Variants in MMP26 observed in about 807,000 individuals in gnomAD.
The protein encoded by MMP26 is matrix metalloproteinase-26.
A neutral mutation model predicts 31.0 loss-of-function variants in MMP26; 33 were observed. The ratio of observed to expected loss-of-function variants is 1.06; its 90% CI spans 0.81 to 1.42. The LOEUF (loss-of-function observed/expected upper bound fraction) is 1.42. Ranked by LOEUF, MMP26 falls within the 40% of genes most tolerant of loss-of-function variation. MMP26 has a pLI of 0.00. For missense variants in MMP26, 347 were observed against 316.1 expected (o/e 1.10, Z -0.74); for synonymous variants, 122 against 114.9 (o/e 1.06, Z -0.40).
At chr11:4,831,518 G>GT (rs1247536379) in intron 2 of MMP26, among the ~76,000 whole-genome samples, 1 of 152,048 alleles carries the variant, frequency 6.6e-6, no homozygotes, top group Non-Finnish European at 1.5e-5. Context: ...TTATTCTCTT[G>GT]TTTTTTATTT....
At chr11:4,779,536 G>A (rs1848831736) in intron 2 of MMP26, among the ~76,000 whole-genome samples, 1 of 149,964 alleles carries the variant, frequency 6.7e-6, no homozygotes, top group South Asian at 2.1e-4. Context: ...AGAAGTGTTT[G>A]TACAATTAGT....
intron 2 of MMP26, chr11:4,882,318 A>T (rs766066905): frequency 6.2e-7 from 1 of 1,613,892 alleles, no homozygotes; most frequent in South Asian, 1.1e-5. Flanking sequence ...ATCCTCACAG[A>T]CAGGATGGTC....
chr11:4,750,112 G>A (rs929432010), intron 1 of MMP26, among the ~76,000 whole-genome samples: 17 of 151,956 alleles, frequency 1.1e-4, no homozygotes, highest in African/African-American at 3.6e-4. Context: ...CTATTAAAAC[G>A]TGGGCAAAGG....
At chr11:4,915,128 A>C (rs139651432) in intron 2 of MMP26, 1 of 1,614,176 alleles carries the variant, frequency 6.2e-7, no homozygotes, top group Non-Finnish European at 8.5e-7. Context: ...AGAATGTGAG[A>C]GAACTGGGGA....
intron 2 of MMP26, chr11:4,923,919 C>T: frequency 6.2e-7 from 1 of 1,614,120 alleles, no homozygotes; most frequent in Non-Finnish European, 8.5e-7. Context: ...ACAATACATG[C>T]AGGTGTCAGG....
intron 1 of MMP26, among the ~76,000 whole-genome samples, chr11:4,744,578 T>C (rs552548873): frequency 6.6e-6 from 1 of 152,264 alleles, no homozygotes; most frequent in South Asian, 2.1e-4. Context: ...AGAGGATATT[T>C]ATGAGGAACT....
chr11:4,821,464 C>T (rs1355441658), intron 2 of MMP26: 1 of 1,613,618 alleles, frequency 6.2e-7, no homozygotes, highest in Non-Finnish European at 8.5e-7. Flanking sequence ...TCTGATCTTC[C>T]TCCTGATGGG....
At chr11:4,948,264 T>C (rs914975747) in intron 2 of MMP26, among the ~76,000 whole-genome samples, 4 of 125,092 alleles carry the variant, frequency 3.2e-5, no homozygotes, top group East Asian at 2.3e-4. Flanking sequence ...GAAAATTAAA[T>C]TGTTTTACTT....
At chr11:4,847,162 C>T (rs1849883676) in intron 2 of MMP26, among the ~76,000 whole-genome samples, 1 of 152,222 alleles carries the variant, frequency 6.6e-6, no homozygotes, top group Non-Finnish European at 1.5e-5. Context: ...CCACTAACAT[C>T]CTATTGACCA....
At chr11:4,816,881 T>C (rs991139328) in intron 2 of MMP26, among the ~76,000 whole-genome samples, 2 of 149,984 alleles carry the variant, frequency 1.3e-5, no homozygotes, top group Non-Finnish European at 3.0e-5. Context: ...TTTTTTTTTT[T>C]TAATATTTTT....
chr11:4,907,095 T>TTAAAAAAAAAAAAAAAAAA (rs1850904245), intron 2 of MMP26, among the ~76,000 whole-genome samples: 1 of 55,108 alleles, frequency 1.8e-5, no homozygotes, highest in Non-Finnish European at 3.4e-5. Context: ...AAACTCCCTC[T>TTAAAAAAAAAAAAAAAAAA]AAAAAAAAAA....
intron 2 of MMP26, among the ~76,000 whole-genome samples, chr11:4,817,335 G>A (rs2133467678): frequency 6.6e-6 from 1 of 152,284 alleles, no homozygotes; most frequent in African/African-American, 2.4e-5. Flanking sequence ...TGTAATCCCA[G>A]CACTTTGGGA....
intron 2 of MMP26, among the ~76,000 whole-genome samples, chr11:4,853,158 T>C (rs1413231392): frequency 6.6e-6 from 1 of 152,152 alleles, no homozygotes; most frequent in African/African-American, 2.4e-5. Flanking sequence ...GTATTAATAA[T>C]ATATTGTATA....
At chr11:4,873,750 C>G (rs1243482837) in intron 2 of MMP26, among the ~76,000 whole-genome samples, 1 of 151,930 alleles carries the variant, frequency 6.6e-6, no homozygotes, top group Non-Finnish European at 1.5e-5. Flanking sequence ...TATCTAAGTG[C>G]TCTATCAATA....
intron 2 of MMP26, among the ~76,000 whole-genome samples, chr11:4,792,010 C>T (rs1849034190): frequency 6.6e-6 from 1 of 151,856 alleles, no homozygotes; most frequent in Non-Finnish European, 1.5e-5. Context: ...TGGATTTTAC[C>T]TACTAGCTGT....
chr11:4,871,119 A>G (rs1286315752), intron 2 of MMP26, among the ~76,000 whole-genome samples: 1 of 152,122 alleles, frequency 6.6e-6, no homozygotes, highest in Non-Finnish European at 1.5e-5. Flanking sequence ...ATTCTACTAT[A>G]TTGAATCCTG....
intron 1 of MMP26, among the ~76,000 whole-genome samples, chr11:4,732,473 C>T (rs1238579862): frequency 6.8e-6 from 1 of 147,870 alleles, no homozygotes; most frequent in Admixed American, 6.8e-5. Flanking sequence ...TTAGTATATT[C>T]ATGAAGTTTT....
chr11:4,882,826 C>T, intron 2 of MMP26: 3 of 1,613,762 alleles, frequency 1.9e-6, no homozygotes, highest in Non-Finnish European at 2.5e-6. Context: ...TCCAGCTGCT[C>T]CAATCCAAGG....
At chr11:4,833,733 A>C (rs1849677342) in intron 2 of MMP26, among the ~76,000 whole-genome samples, 1 of 152,148 alleles carries the variant, frequency 6.6e-6, no homozygotes, top group Non-Finnish European at 1.5e-5. Flanking sequence ...GGAAACATAG[A>C]GACTATGTCA....
Sources: gnomAD v4.1 joint callset for allele counts (sites outside exome capture counted in the v4.1 genomes callset) on GRCh38, gnomAD v4.1.1 for gene constraint, MANE v1.5 for transcripts, NCBI Gene and HGNC (gene_info 2026-07-23, HGNC 2026-07-21) for gene names.